Variants in CUX1 observed in about 807,000 individuals in gnomAD.
CUX1 encodes cut like homeobox 1, also known as protein CASP.
In CUX1, 31 loss-of-function variants were observed where a neutral mutation model predicts 158.8. The ratio of observed to expected loss-of-function variants is 0.20; its 90% confidence interval spans 0.15 to 0.26. The LOEUF is 0.26. CUX1 is among the 10% of genes least tolerant of loss of function. CUX1 has a pLI of 1.00. For missense variants in CUX1, 1,589 were observed against 2,014.6 expected (o/e 0.79, Z 4.04); for synonymous variants, 879 against 862.1 (o/e 1.02, Z -0.34).
At chr7:101,875,219 C>T in intron 1 of CUX1, among the ~76,000 whole-genome samples, 1 of 152,148 alleles carries the variant, frequency 6.6e-6, no homozygotes, top group Non-Finnish European at 1.5e-5. Context: ...AAACCCAGAC[C>T]TCTCTGATGT....
rs145530579 is a variant in CUX1 at position 101,964,692 on chromosome 7, A to G, written c.141+48467A>G. 4.7e-4 allele frequency among the ~76,000 whole-genome samples: 72 copies of G among 152,186 alleles called. No homozygotes were observed. The East Asian group carries it at 0.014, about 29-fold the overall frequency. ...CACTGATTTCTCATCCAGCAAGCAA[A>G]CCTCAACACCTTCAGACTGTCCCCA... On this transcript the variant is annotated intron_variant, in intron 2 of 23. Coordinates refer to ENST00000292535, the MANE Select transcript of CUX1 (RefSeq NM_181552.4).
chr7:102,077,280 T>C (rs1325044701), intron 4 of CUX1, among the ~76,000 whole-genome samples: 1 of 150,602 alleles, frequency 6.6e-6, no homozygotes, highest in Non-Finnish European at 1.5e-5. Context: ...GACCAGCAGG[T>C]GGGGAGAATG....
rs551677832 is a variant in CUX1, at chr7:102,166,902, G to A, written c.724-3544G>A. 1.4e-3 allele frequency among the ~76,000 whole-genome samples: 212 copies of A among 152,236 alleles called. 1 individual carries two copies. In the Middle Eastern group the frequency reaches 0.024, roughly 17 times the overall value. The stretch of plus-strand genomic sequence containing the variant: ...GTGATAGAAGTCTGACACCGTGACC[G>A]CCAACAGATGGGCCACAGAGAGACT... On this transcript the variant is annotated intron_variant, in intron 9 of 23. Coordinates refer to ENST00000292535, the MANE Select transcript of CUX1 (RefSeq NM_181552.4).
At chr7:102,263,655 C>T (rs1298356198) in intron 14 of CUX1, among the ~76,000 whole-genome samples, 1 of 151,606 alleles carries the variant, frequency 6.6e-6, no homozygotes, top group Admixed American at 6.6e-5. Flanking sequence ...TCAGGGTAGG[C>T]CTCCCTAAGA....
At chr7:101,980,803 A>G (rs1266412502) in intron 2 of CUX1, among the ~76,000 whole-genome samples, 1 of 151,898 alleles carries the variant, frequency 6.6e-6, no homozygotes, top group Non-Finnish European at 1.5e-5. Context: ...GTCCGCACGG[A>G]TGTACCTGGA....
At chr7:101,824,873 G>C (rs1201940439) in intron 1 of CUX1, 3 of 152,208 alleles carry the variant, frequency 2.0e-5, no homozygotes, top group African/African-American at 7.2e-5. Context: ...GTTTGGAAAA[G>C]ACTTTCGTTC....
downstream of CUX1, among the ~76,000 whole-genome samples, chr7:102,259,468 A>G (rs561766841): frequency 1.8e-4 from 27 of 152,216 alleles, no homozygotes; most frequent in East Asian, 4.5e-3. Flanking sequence ...GGTGCCTGTA[A>G]TCCCAGCTAC....
At chr7:102,195,665 A>G (rs1362652695) in intron 14 of CUX1, 62 bp downstream of exon 14, 1 of 1,447,216 alleles carries the variant, frequency 6.9e-7, no homozygotes, top group South Asian at 1.3e-5. Context: ...TCGGTCGAGG[A>G]CGAGGAAGGT....
chr7:102,151,285 G>C lies in CUX1; in HGVS notation c.675-7275G>C, dbSNP rs9691075. Among the ~76,000 whole-genome samples, 477 of 152,254 alleles carry C rather than the reference G, an allele frequency of 3.1e-3. 3 individuals carry two copies. The highest frequency in any genetic ancestry group is 0.011 in the African/African-American group (463 of 41,548). ...GACTGGGGTGGGGCTGGGCGCGTCG[G>C]TTCACGCCTGTCATCCCAGCACTTT... is the stretch of plus-strand genomic sequence containing the variant. On this transcript the variant is annotated intron_variant, in intron 8 of 23. Coordinates refer to ENST00000292535, the MANE Select transcript of CUX1 (RefSeq NM_181552.4).
chr7:101,933,662 G>A (rs112711124), intron 2 of CUX1, among the ~76,000 whole-genome samples: 8 of 152,206 alleles, frequency 5.3e-5, no homozygotes, highest in African/African-American at 1.9e-4. Flanking sequence ...GTAGGTTTTC[G>A]ATTTCTTACC....
At chr7:101,833,633 C>T (rs541368251) in intron 1 of CUX1, among the ~76,000 whole-genome samples, 48 of 150,108 alleles carry the variant, frequency 3.2e-4, no homozygotes, top group African/African-American at 1.2e-3. Context: ...GCGACAGTCA[C>T]CTCGGGGCGT....
chr7:101,843,131 G>T (rs573586793), intron 1 of CUX1, among the ~76,000 whole-genome samples: 1 of 152,166 alleles, frequency 6.6e-6, no homozygotes, highest in South Asian at 2.1e-4. Context: ...CTCCCAAAGT[G>T]CTGGGATTAC....
At chr7:101,840,435 G>A (rs1418081763) in intron 1 of CUX1, among the ~76,000 whole-genome samples, 1 of 151,954 alleles carries the variant, frequency 6.6e-6, no homozygotes, top group Non-Finnish European at 1.5e-5. Flanking sequence ...AATTTTTTTT[G>A]GTATAAATAG....
Position 102,158,566 on chromosome 7 carries a change from C to A in CUX1, c.681C>A (p.Asp227Glu), listed in dbSNP as rs782176740. The change falls in exon 9 of 24, where the codon GAC (aspartate) becomes GAA (glutamate). Residue 227 changes from aspartate to glutamate, a missense_variant. Around this residue, in one of 8 missense-constraint regions of CUX1, gnomAD observed 515 missense variants for 574.4 expected, o/e 0.90. Transcript: ENST00000292535. ...KYDEETTAKA[D>E]EIEMIMTDLE... ...CTCCCTCTCACCCTCCTAGGGCCGA[C>A]GAGATTGAAATGATCATGACGGACC... 2 of 1,613,910 alleles carry A rather than the reference C, an allele frequency of 1.2e-6. No individual in the cohort carries two copies. The highest frequency in any genetic ancestry group is 2.7e-5 in the African/African-American group (2 of 74,876).
intron 3 of CUX1, among the ~76,000 whole-genome samples, chr7:102,068,166 A>C (rs1223740947): frequency 6.6e-6 from 1 of 151,848 alleles, no homozygotes; most frequent in Admixed American, 6.6e-5. Context: ...AACACAGCTC[A>C]CTGCAGCCTC....
chr7:101,959,274 T>C (rs1044701292), intron 2 of CUX1: 105 of 141,860 alleles, frequency 7.4e-4, no homozygotes, highest in African/African-American at 2.0e-3. Context: ...TGTGTGTGTG[T>C]GCAAGAGAGC....
At chr7:102,026,832 A>C (rs1330827127) in intron 2 of CUX1, among the ~76,000 whole-genome samples, 5 of 151,652 alleles carry the variant, frequency 3.3e-5, no homozygotes, top group Admixed American at 6.6e-5. Flanking sequence ...AAAAAAAAAA[A>C]AAAAAAAAAA....
chr7:102,032,316 G>A (rs1820881811), intron 3 of CUX1, among the ~76,000 whole-genome samples: 1 of 152,114 alleles, frequency 6.6e-6, no homozygotes, highest in African/African-American at 2.4e-5. Context: ...AATCCCAGCA[G>A]TTTGGGAGGA....
intron 2 of CUX1, among the ~76,000 whole-genome samples, chr7:102,002,525 C>T (rs900198591): frequency 2.0e-5 from 3 of 152,192 alleles, no homozygotes; most frequent in Non-Finnish European, 1.5e-5. Flanking sequence ...TCTCAGGTCC[C>T]ATATGGCACT....
Sources: allele counts gnomAD v4.1 joint callset (sites outside exome capture counted in the v4.1 genomes callset), GRCh38; gene constraint gnomAD v4.1.1; regional missense constraint gnomAD v4.1.1; transcripts MANE v1.5; gene names NCBI Gene and HGNC (gene_info 2026-07-23, HGNC 2026-07-21).